The following COMMD10 variants were observed in gnomAD, a reference collection of about 807,000 sequenced individuals.
The protein encoded by COMMD10 is COMM domain-containing protein 10.
In COMMD10, 33 loss-of-function variants were observed where a neutral mutation model predicts 28.9. That is an observed-to-expected ratio of 1.14 (90% CI 0.87 to 1.53). The LOEUF (loss-of-function observed/expected upper bound fraction) is 1.53. Ranked by LOEUF, COMMD10 falls within the 40% of genes most tolerant of loss-of-function variation. COMMD10 has a pLI of 0.00. For missense variants in COMMD10, 310 were observed against 233.4 expected, an observed-to-expected ratio of 1.33 and a Z score of -2.14; for synonymous variants, 110 against 81.7, an observed-to-expected ratio of 1.35 and a Z score of -1.87.
intron 5 of COMMD10, among the ~76,000 whole-genome samples, chr5:116,250,641 A>T (rs985387887): frequency 6.6e-6 from 1 of 151,932 alleles, no homozygotes. Flanking sequence ...TTTTCAAGAA[A>T]TTACTAGGAG....
At chr5:116,205,433 T>G (rs959442498) in intron 5 of COMMD10, among the ~76,000 whole-genome samples, 2 of 152,226 alleles carry the variant, frequency 1.3e-5, no homozygotes, top group Non-Finnish European at 2.9e-5. Flanking sequence ...AATCATTCTT[T>G]ACCTGGAGGA....
At chr5:116,098,369 G>T (rs190634027) in intron 4 of COMMD10, among the ~76,000 whole-genome samples, 1 of 152,294 alleles carries the variant, frequency 6.6e-6, no homozygotes, top group East Asian at 1.9e-4. Flanking sequence ...AAACTGTGGG[G>T]TGCTTGCAGC....
chr5:116,123,129 C>G (rs574042428), intron 4 of COMMD10, among the ~76,000 whole-genome samples: 1 of 152,030 alleles, frequency 6.6e-6, no homozygotes, highest in East Asian at 1.9e-4. Context: ...ATAAATAGCT[C>G]TTATTATTTT....
chr5:116,236,543 G>A (rs547118997), intron 5 of COMMD10, among the ~76,000 whole-genome samples: 5 of 150,216 alleles, frequency 3.3e-5, no homozygotes, highest in South Asian at 2.1e-4. Context: ...CCGTTGGGCC[G>A]TGAAAGGACA....
chr5:116,208,255 G>T (rs1480362259), intron 5 of COMMD10, among the ~76,000 whole-genome samples: 1 of 152,202 alleles, frequency 6.6e-6, no homozygotes. Flanking sequence ...GCTGTATTCA[G>T]TTATAAACAT....
At position 116,165,535 on chromosome 5, in the gene COMMD10, T is replaced by A. The variant is rs76191346; in HGVS notation, c.510+31357T>A. Among the ~76,000 whole-genome samples the A allele has an allele frequency of 5.7e-3, 860 of 152,188 alleles. 8 individuals carry two copies. Among genetic ancestry groups the A allele is most frequent in the African/African-American group, 0.019 (803 of 41,546 alleles). ...GGCAAATTTGGTTTCTGGTGAGGGC[T>A]GTCTTTCTAGCTTGTAGATGCCTGT... On this transcript the variant is annotated intron_variant, in intron 5 of 6. Transcript: ENST00000274458.
At chr5:116,146,808 A>G (rs957475943) in intron 5 of COMMD10, among the ~76,000 whole-genome samples, 1 of 151,854 alleles carries the variant, frequency 6.6e-6, no homozygotes, top group African/African-American at 2.4e-5. Flanking sequence ...AGAAGAAATT[A>G]TTGGGCACTT....
intron 5 of COMMD10, among the ~76,000 whole-genome samples, chr5:116,267,858 C>T (rs1297153870): frequency 6.6e-6 from 1 of 151,856 alleles, no homozygotes; most frequent in East Asian, 1.9e-4. Flanking sequence ...AAAGGATTCC[C>T]TATTTAATAA....
chr5:116,131,078 A>G (rs1165443737), intron 4 of COMMD10, among the ~76,000 whole-genome samples: 2 of 151,920 alleles, frequency 1.3e-5, no homozygotes, highest in Admixed American at 1.3e-4. Context: ...CAGAACACTT[A>G]ATTGGAGAAA....
At chr5:116,266,798 A>C (rs935599188) in intron 5 of COMMD10, among the ~76,000 whole-genome samples, 5 of 151,892 alleles carry the variant, frequency 3.3e-5, no homozygotes, top group African/African-American at 7.3e-5. Flanking sequence ...CAACATACGC[A>C]AATCAATGAA....
intron 5 of COMMD10, among the ~76,000 whole-genome samples, chr5:116,157,375 G>C (rs556469366): frequency 6.6e-6 from 1 of 152,182 alleles, no homozygotes; most frequent in Admixed American, 6.6e-5. Context: ...CAGTTGGCTG[G>C]CTGGGCTTGG....
At chr5:116,116,835 C>A (rs1473848924) in intron 4 of COMMD10, among the ~76,000 whole-genome samples, 1 of 152,068 alleles carries the variant, frequency 6.6e-6, no homozygotes, top group Admixed American at 6.6e-5. Context: ...TCTCCTGCCT[C>A]AGCCTCCCAA....
intron 5 of COMMD10, among the ~76,000 whole-genome samples, chr5:116,276,496 A>G (rs1295399549): frequency 4.6e-5 from 7 of 151,776 alleles, no homozygotes; most frequent in African/African-American, 1.7e-4. Flanking sequence ...TCAGCCTCCC[A>G]GAGTGCTGAG....
At chr5:116,255,429 G>A (rs1750254874) in intron 5 of COMMD10, among the ~76,000 whole-genome samples, 1 of 151,622 alleles carries the variant, frequency 6.6e-6, no homozygotes, top group Non-Finnish European at 1.5e-5. Flanking sequence ...TTTTGCAGCG[G>A]CTGGTACTGG....
At chr5:116,129,435 A>G (rs1165246731) in intron 4 of COMMD10, among the ~76,000 whole-genome samples, 1 of 27,660 alleles carries the variant, frequency 3.6e-5, no homozygotes, top group East Asian at 5.2e-4. Context: ...TATATATACT[A>G]TATACTAATG....
At chr5:116,242,386 A>G (rs1234341404) in intron 5 of COMMD10, among the ~76,000 whole-genome samples, 1 of 152,210 alleles carries the variant, frequency 6.6e-6, no homozygotes, top group African/African-American at 2.4e-5. Context: ...ACTTTAACAC[A>G]TGTTTATAGA....
chr5:116,139,136 G>A (rs1436832403), intron 5 of COMMD10, among the ~76,000 whole-genome samples: 1 of 151,744 alleles, frequency 6.6e-6, no homozygotes, highest in African/African-American at 2.4e-5. Context: ...ATGTGTATAT[G>A]TTTCAAGGTG....
chr5:116,178,155 G>T (rs1747799042), intron 5 of COMMD10, among the ~76,000 whole-genome samples: 1 of 152,094 alleles, frequency 6.6e-6, no homozygotes, highest in Non-Finnish European at 1.5e-5. Flanking sequence ...GGAAAGTAAG[G>T]TGAAAATGAG....
chr5:116,101,592 A>G (rs1399547770), intron 4 of COMMD10, among the ~76,000 whole-genome samples: 1 of 151,712 alleles, frequency 6.6e-6, no homozygotes, highest in Non-Finnish European at 1.5e-5. Context: ...ACGCCCGGCT[A>G]ATTTTTGTAT....
Sources: allele counts gnomAD v4.1 joint callset (sites outside exome capture counted in the v4.1 genomes callset), GRCh38; gene constraint gnomAD v4.1.1; transcripts MANE v1.5; gene names NCBI Gene and HGNC (gene_info 2026-07-23, HGNC 2026-07-21).